Variants in PTPDC1 observed in about 807,000 individuals in gnomAD.
PTPDC1 encodes the protein protein tyrosine phosphatase domain-containing protein 1.
In PTPDC1, 53 loss-of-function variants were observed where a neutral mutation model predicts 75.3. The observed-to-expected ratio is 0.70, with a 90% CI of 0.56 to 0.88. PTPDC1 has a LOEUF of 0.88. PTPDC1 is among the 40% of genes least tolerant of loss of function. The pLI is 0.00. For synonymous variants in PTPDC1, 349 were observed against 366.2 expected, an observed-to-expected ratio of 0.95 and a Z score of 0.54; for missense variants, 925 against 998.6, an observed-to-expected ratio of 0.93 and a Z score of 0.99.
intron 2 of PTPDC1, among the ~76,000 whole-genome samples, chr9:94,070,368 T>C (rs1826471726): frequency 6.6e-6 from 1 of 152,196 alleles, no homozygotes; most frequent in Admixed American, 6.5e-5. Flanking sequence ...TTGCCTGCCT[T>C]GTGTTGCCCT....
chr9:94,098,340 G>A lies in PTPDC1; in HGVS notation c.1774G>A (p.Val592Ile), dbSNP rs754571478. 1 of 1,614,196 alleles carries A rather than the reference G, an allele frequency of 6.2e-7. No homozygotes were observed. The highest frequency in any genetic ancestry group is 8.5e-7 in the Non-Finnish European group (1 of 1,180,038). The change falls in exon 6 of 9, where the codon GTC becomes ATC. Residue 592 changes from valine to isoleucine, a missense_variant. Val to Ile is a conservative substitution (Grantham distance 29). Transcript: ENST00000620992. ...KTHGVGSPGS[V>I]RQNSRTPRSP... is the part of the protein sequence containing the mutation. The stretch of plus-strand genomic sequence containing the variant: ...TCATGGTGTTGGGAGCCCTGGCTCT[G>A]TCAGGCAGAACAGCAGGACACCCCG...
At chr9:94,103,388 T>C (rs1827912201) in intron 7 of PTPDC1, among the ~76,000 whole-genome samples, 1 of 152,248 alleles carries the variant, frequency 6.6e-6, no homozygotes, top group Non-Finnish European at 1.5e-5. Context: ...TGAGGTTGCA[T>C]GCCCAAGGTT....
chr9:94,082,101 A>G (rs1389193725), upstream of PTPDC1, among the ~76,000 whole-genome samples: 7 of 152,168 alleles, frequency 4.6e-5, no homozygotes, highest in Admixed American at 3.3e-4. Flanking sequence ...ACAAAGTGAG[A>G]TTCCCATCTC....
At chr9:94,093,818 C>T (rs927993164) in intron 4 of PTPDC1, among the ~76,000 whole-genome samples, 10 of 147,196 alleles carry the variant, frequency 6.8e-5, no homozygotes, top group African/African-American at 2.5e-4. Context: ...TCCCTTCTCG[C>T]TTCATTTCAT....
chr9:94,098,688 T>A (rs936657332), intron 6 of PTPDC1, 109 bp downstream of exon 6: 1 of 947,854 alleles, frequency 1.1e-6, no homozygotes, highest in African/African-American at 1.6e-5. Flanking sequence ...TGAAGATACG[T>A]TTGCATAATA....
At chr9:94,084,241 A>C (rs1300588477), upstream of PTPDC1, among the ~76,000 whole-genome samples, 1 of 152,220 alleles carries the variant, frequency 6.6e-6, no homozygotes, top group Non-Finnish European at 1.5e-5. Flanking sequence ...AGATATTTTA[A>C]GTGCATTTGA....
At chr9:94,088,446 C>A (rs1254450568) in intron 4 of PTPDC1, among the ~76,000 whole-genome samples, 183 bp downstream of exon 4, 1 of 152,116 alleles carries the variant, frequency 6.6e-6, no homozygotes, top group Admixed American at 6.5e-5. Flanking sequence ...TTTCTTTGTT[C>A]CTGTAAGAGG....
Position 94,097,998 on chromosome 9 carries a change from C to T in PTPDC1, c.1432C>T (p.Pro478Ser). 1 of 1,614,162 alleles carries T rather than the reference C, an allele frequency of 6.2e-7. No individual in the cohort carries two copies. Among genetic ancestry groups the T allele is most frequent in the African/African-American group, 1.3e-5 (1 of 75,050 alleles). The change falls in exon 6 of 9, where the codon CCC (proline) becomes TCC (serine). Residue 478 changes from proline to serine, a missense_variant. Physicochemically the swap from Pro to Ser is moderately conservative, Grantham distance 74 (BLOSUM62 -1). Transcript: ENST00000620992. ...TGCCCAGATCTTGGTTGGCCACAAG[C>T]CCAGGCAGCAGAAGCTCATAAGCCA... The part of the protein sequence containing the change: ...VPAQILVGHK[P>S]RQQKLISHCY...
Position 94,034,798 on chromosome 9 carries a change from G to A in PTPDC1, c.-7+3671G>A, listed in dbSNP as rs148292947. On this transcript the variant is annotated intron_variant, in intron 1 of 9. Transcript: ENST00000375360. The stretch of plus-strand genomic sequence containing the variant: ...ATTGTGCCCCCAATAATCTTTCTCA[G>A]TGGTTTCTCTGAATTTTTTAAATTT... Among the ~76,000 whole-genome samples, 528 of 152,186 alleles carry A rather than the reference G, an allele frequency of 3.5e-3. 7 individuals carry two copies. The highest frequency in any genetic ancestry group is 5.8e-3 in the East Asian group (30 of 5,190).
In PTPDC1 at chr9:94,108,259, AT is replaced by A. The variant is rs1828091041; in HGVS notation, c.*316del. ...TCTTATTTCTTTTGACATTTTGGAA[AT>A]AATCATAACTTGTCTTTCCAAAATA... On this transcript the variant is annotated 3_prime_UTR_variant, in exon 9 of 9. Transcript: ENST00000620992. 6.0e-6 allele frequency: 1 copy of A among 165,732 alleles called. No homozygotes were observed. Among genetic ancestry groups the A allele is most frequent in the African/African-American group, 2.4e-5 (1 of 42,076 alleles). 10.3% of individuals were successfully genotyped at this position (165,732 alleles called of 1,614,324 possible).
chr9:94,034,464 G>A (rs1299125142), intron 1 of PTPDC1, among the ~76,000 whole-genome samples: 3 of 152,054 alleles, frequency 2.0e-5, no homozygotes, highest in Admixed American at 6.6e-5. Context: ...CCTGGGAGAC[G>A]GAGGTTGCAG....
chr9:94,070,239 GC>G (rs995429511), intron 2 of PTPDC1, among the ~76,000 whole-genome samples: 2 of 152,050 alleles, frequency 1.3e-5, no homozygotes, highest in African/African-American at 4.8e-5. Context: ...TATTTACTCA[GC>G]CGTACTTTTC....
intron 1 of PTPDC1, among the ~76,000 whole-genome samples, chr9:94,046,806 C>T (rs1825613418): frequency 6.6e-6 from 1 of 152,154 alleles, no homozygotes; most frequent in African/African-American, 2.4e-5. Context: ...GACAATTTGA[C>T]TTCCTCTTTT....
At chr9:94,034,851 A>G (rs1189871712) in intron 1 of PTPDC1, among the ~76,000 whole-genome samples, 1 of 152,164 alleles carries the variant, frequency 6.6e-6, no homozygotes, top group Admixed American at 6.5e-5. Context: ...TTATAATTGT[A>G]TATATTTATG....
chr9:94,064,699 G>A (rs2117868990), intron 1 of PTPDC1: 1 of 1,518,490 alleles, frequency 6.6e-7, no homozygotes, highest in South Asian at 1.1e-5. Flanking sequence ...ACTGTCCCAA[G>A]GCAAACTTTC....
chr9:94,107,985 T>C lies in PTPDC1; in HGVS notation c.*41T>C. ...AATATTTCAGACCTAAAGATCCAGA[T>C]AGTATCTCTGTTCATATGTGAATAA... On this transcript the variant is annotated 3_prime_UTR_variant, in exon 9 of 9. Transcript: ENST00000620992. 8.3e-7 allele frequency: 1 copy of C among 1,209,226 alleles called. No individual in the cohort carries two copies. The highest frequency in any genetic ancestry group is 1.2e-6 in the Non-Finnish European group (1 of 860,046). 74.9% of individuals were successfully genotyped at this position (1,209,226 alleles called of 1,614,324 possible).
intron 3 of PTPDC1, 45 bp downstream of exon 3, chr9:94,087,956 T>G (rs1459056424): frequency 7.1e-6 from 11 of 1,550,052 alleles, no homozygotes; most frequent in Non-Finnish European, 9.8e-6. Context: ...ACTCATGTGT[T>G]TTTTTCTTTC....
intron 6 of PTPDC1, among the ~76,000 whole-genome samples, chr9:94,099,797 T>A (rs568604587): frequency 6.6e-5 from 10 of 152,372 alleles, no homozygotes; most frequent in Non-Finnish European, 1.3e-4. Flanking sequence ...TCAGCCCCAG[T>A]GCCCATGCAA....
intron 2 of PTPDC1, among the ~76,000 whole-genome samples, chr9:94,071,762 C>T (rs997283568): frequency 6.6e-6 from 1 of 152,108 alleles, no homozygotes; most frequent in Non-Finnish European, 1.5e-5. Flanking sequence ...TTTAAATAAG[C>T]TTATTTATGT....
Sources: gnomAD v4.1 joint callset for allele counts (sites outside exome capture counted in the v4.1 genomes callset) on GRCh38, gnomAD v4.1.1 for gene constraint, MANE v1.5 for transcripts, NCBI Gene and HGNC (gene_info 2026-07-23, HGNC 2026-07-21) for gene names.